Variants in LRRC75A observed in about 807,000 individuals in gnomAD.
LRRC75A encodes the protein leucine-rich repeat-containing protein 75A.
Under a neutral mutation model 26.0 loss-of-function variants are expected in LRRC75A, and 12 were observed. The ratio of observed to expected loss-of-function variants is 0.46; its 90% CI spans 0.30 to 0.75. LRRC75A has a LOEUF of 0.75. Among genes scored for constraint, LRRC75A ranks in the 30% least tolerant of loss-of-function variants. LRRC75A has a pLI of 0.08. For missense variants in LRRC75A, 410 were observed against 486.6 expected, an observed-to-expected ratio of 0.84 and a Z score of 1.48; for synonymous variants, 223 against 219.3, an observed-to-expected ratio of 1.02 and a Z score of -0.15.
At chr17:16,478,580 T>G (rs575939173) in intron 1 of LRRC75A, 4 of 152,378 alleles carry the variant, frequency 2.6e-5, no homozygotes, top group Non-Finnish European at 4.4e-5. Flanking sequence ...TCCTGGCTCA[T>G]GGACTGGCCT....
chr17:16,461,971 C>T (rs1362947644), intron 2 of LRRC75A, among the ~76,000 whole-genome samples: 2 of 152,158 alleles, frequency 1.3e-5, no homozygotes, highest in African/African-American at 4.8e-5. Flanking sequence ...GAAATGAGGG[C>T]TTCATGTTGC....
intron 2 of LRRC75A, 84 bp from the exon 3 acceptor site, chr17:16,448,044 G>C: frequency 4.8e-6 from 6 of 1,253,646 alleles, no homozygotes; most frequent in Non-Finnish European, 5.7e-6. Context: ...TCCCGGGTAA[G>C]AGCCCAGCTC....
Position 16,444,148 on chromosome 17 carries a change from C to G in LRRC75A, c.492-17G>C. 6.4e-7 allele frequency: 1 copy of G among 1,568,426 alleles called. No individual in the cohort carries two copies. On this transcript the variant is annotated splice_polypyrimidine_tract_variant and intron_variant, in intron 3 of 3. Transcript: ENST00000470794. ...GCCTTGAGGCTGAAGGGAAAAAGGA[C>G]AAACAAGGCTCAGGCACATAGGGCA...
intron 2 of LRRC75A, among the ~76,000 whole-genome samples, chr17:16,456,498 G>T (rs2093686684): frequency 6.6e-6 from 1 of 152,068 alleles, no homozygotes; most frequent in Non-Finnish European, 1.5e-5. Context: ...AAGAGGAAGA[G>T]GAGGAGGAAG....
At chr17:16,456,621 G>A (rs8064724) in intron 2 of LRRC75A, among the ~76,000 whole-genome samples, 53,060 of 152,008 alleles carry the variant, frequency 0.35, 9,695 homozygotes, top group Non-Finnish European at 0.38. Flanking sequence ...AGGGGGAAGA[G>A]CAGTCTGTGC....
chr17:16,464,280 G>A (rs2093751181), intron 1 of LRRC75A, among the ~76,000 whole-genome samples: 1 of 152,218 alleles, frequency 6.6e-6, no homozygotes, highest in South Asian at 2.1e-4. Flanking sequence ...GATGCAGTCA[G>A]GGGAGGCTTC....
intron 2 of LRRC75A, chr17:16,448,171 T>G: frequency 3.5e-6 from 2 of 569,804 alleles, no homozygotes; most frequent in Admixed American, 2.9e-5. Flanking sequence ...AATTAGTTGC[T>G]AGCATTGAAA....
intron 1 of LRRC75A, among the ~76,000 whole-genome samples, chr17:16,483,650 T>C (rs1047586805): frequency 6.6e-6 from 1 of 152,226 alleles, no homozygotes; most frequent in Admixed American, 6.5e-5. Flanking sequence ...CTGGGGAAAC[T>C]GAGGCCAAAG....
chr17:16,452,143 G>A (rs2143015049), intron 2 of LRRC75A, among the ~76,000 whole-genome samples: 1 of 133,466 alleles, frequency 7.5e-6, no homozygotes, highest in East Asian at 2.1e-4. Flanking sequence ...CTTGACCCCA[G>A]GAGTTCAAGA....
chr17:16,444,355 G>A (rs2093562516), intron 3 of LRRC75A, among the ~76,000 whole-genome samples: 2 of 152,230 alleles, frequency 1.3e-5, no homozygotes, highest in Non-Finnish European at 2.9e-5. Flanking sequence ...GTAGCCTGAG[G>A]TATGTGGCTG....
At chr17:16,453,839 ATTC>A (rs1298040303) in intron 2 of LRRC75A, among the ~76,000 whole-genome samples, 2 of 152,034 alleles carry the variant, frequency 1.3e-5, no homozygotes, top group Non-Finnish European at 2.9e-5. Flanking sequence ...AGAAACCAGA[ATTC>A]TTCTTCCCCA....
In LRRC75A at chr17:16,462,197, C is replaced by A; in HGVS notation, c.375+61G>T. On this transcript the variant is annotated intron_variant, in intron 2 of 3. Coordinates refer to ENST00000470794, the MANE Select transcript of LRRC75A (RefSeq NM_001113567.3). The surrounding 1 kb of genome is among the most constrained non-coding windows in gnomAD (Gnocchi z 4.6). The stretch of plus-strand genomic sequence containing the variant: ...CCTCCTTGGGCATACAGCTGCTCTG[C>A]CCAGAAAGGCACCCACCGCACACCC... 1 of 1,599,994 alleles carries A rather than the reference C, an allele frequency of 6.3e-7. No homozygotes were observed.
At chr17:16,453,348 GCACACACA>G (rs147019550) in intron 2 of LRRC75A, among the ~76,000 whole-genome samples, 31,694 of 145,430 alleles carry the variant, frequency 0.22, 3,751 homozygotes, top group Middle Eastern at 0.32. Flanking sequence ...ACACGCACAC[GCACACACA>G]CACACACGAG....
chr17:16,445,813 G>T (rs968510320), intron 3 of LRRC75A, among the ~76,000 whole-genome samples: 1 of 152,228 alleles, frequency 6.6e-6, no homozygotes, highest in Non-Finnish European at 1.5e-5. Flanking sequence ...GTGTGGTGGT[G>T]AACAGCCTGA....
At chr17:16,456,559 C>A (rs924080853) in intron 2 of LRRC75A, among the ~76,000 whole-genome samples, 1 of 152,136 alleles carries the variant, frequency 6.6e-6, no homozygotes, top group African/African-American at 2.4e-5. Flanking sequence ...GTGGCTGGAA[C>A]CCTGAGAAGT....
chr17:16,445,500 A>G (rs977657351), intron 3 of LRRC75A, among the ~76,000 whole-genome samples: 1 of 151,952 alleles, frequency 6.6e-6, no homozygotes. Flanking sequence ...TGGGAAGGAG[A>G]GGGAGGTGGA....
intron 1 of LRRC75A, among the ~76,000 whole-genome samples, chr17:16,490,250 G>A (rs2093854654): frequency 6.6e-6 from 1 of 151,948 alleles, no homozygotes; most frequent in South Asian, 2.1e-4. Context: ...ATGTGATCAG[G>A]AAAACCTTAC....
chr17:16,486,021 C>T (rs966556994), intron 1 of LRRC75A, among the ~76,000 whole-genome samples: 34 of 152,204 alleles, frequency 2.2e-4, no homozygotes, highest in African/African-American at 8.0e-4. Flanking sequence ...CCAAACCCCG[C>T]TGTCTCCTGA....
intron 1 of LRRC75A, among the ~76,000 whole-genome samples, chr17:16,469,595 C>A (rs2093795230): frequency 6.6e-6 from 1 of 152,184 alleles, no homozygotes; most frequent in Non-Finnish European, 1.5e-5. Flanking sequence ...CAGAAGAGTC[C>A]AGCCCCAGGA....
Sources: gnomAD v4.1 joint callset for allele counts (sites outside exome capture counted in the v4.1 genomes callset) on GRCh38, gnomAD v4.1.1 for gene constraint, Gnocchi (gnomAD v3.1) non-coding constraint, MANE v1.5 for transcripts, NCBI Gene and HGNC (gene_info 2026-07-23, HGNC 2026-07-21) for gene names.